Variants in CPEB3 observed in about 807,000 individuals in gnomAD.
CPEB3 encodes the protein cytoplasmic polyadenylation element binding protein 3.
A neutral mutation model predicts 67.2 loss-of-function variants in CPEB3; 20 were observed. That is an observed-to-expected ratio of 0.30 (90% CI 0.21 to 0.43). The LOEUF (loss-of-function observed/expected upper bound fraction) is 0.43. CPEB3 is among the 20% of genes least tolerant of loss of function. CPEB3 has a pLI of 1.00. For missense variants in CPEB3, 746 were observed against 968.6 expected (o/e 0.77, Z 3.05); for synonymous variants, 376 against 393.1 (o/e 0.96, Z 0.51).
At chr10:92,253,265 T>A (rs1852374361) in intron 1 of CPEB3, among the ~76,000 whole-genome samples, 1 of 151,820 alleles carries the variant, frequency 6.6e-6, no homozygotes, top group Non-Finnish European at 1.5e-5. Context: ...ATTAAGACCA[T>A]CCTGGCCAAC....
intron 2 of CPEB3, among the ~76,000 whole-genome samples, chr10:92,229,506 C>T (rs2134542207): frequency 6.6e-6 from 1 of 152,264 alleles, no homozygotes; most frequent in Admixed American, 6.5e-5. Context: ...AAAGAAAAAT[C>T]TAACTCTTAA....
rs1012646971 is a variant in CPEB3, at chr10:92,081,164, T to A, written c.1869+156A>T. ...TCCTTAATGCCTTAAATATCAACAG[T>A]GCTCTCTTTTTCAGGCAGCCTAGAT... On this transcript the variant is annotated intron_variant, in intron 9 of 9. Coordinates refer to ENST00000265997, the MANE Select transcript of CPEB3 (RefSeq NM_014912.5). 1.3e-5 allele frequency among the ~76,000 whole-genome samples: 2 copies of A among 152,204 alleles called. 1 individual carries two copies. The highest frequency in any genetic ancestry group is 4.1e-4 in the South Asian group (2 of 4,834).
At chr10:92,188,025 G>T (rs1848773978) in intron 3 of CPEB3, among the ~76,000 whole-genome samples, 1 of 151,470 alleles carries the variant, frequency 6.6e-6, no homozygotes, top group African/African-American at 2.4e-5. Flanking sequence ...GTGAAACCTT[G>T]TCTCTACAGC....
chr10:92,204,617 T>C (rs908570478), intron 2 of CPEB3, among the ~76,000 whole-genome samples: 1 of 152,096 alleles, frequency 6.6e-6, no homozygotes, highest in African/African-American at 2.4e-5. Flanking sequence ...ACCAGAGAAA[T>C]AGAAGCTCAT....
At chr10:92,134,133 T>G (rs186564232) in intron 6 of CPEB3, among the ~76,000 whole-genome samples, 214 of 152,192 alleles carry the variant, frequency 1.4e-3, no homozygotes, top group Admixed American at 3.9e-3. Context: ...CTCTCACCAC[T>G]CCTATTCAAC....
At chr10:92,224,212 T>A (rs61360462) in intron 2 of CPEB3, among the ~76,000 whole-genome samples, 38 of 152,338 alleles carry the variant, frequency 2.5e-4, no homozygotes, top group African/African-American at 9.1e-4. Flanking sequence ...GTTGCTTAAA[T>A]CTGTCCCTTC....
chr10:92,053,299 C>T (rs1453454868), intron 9 of CPEB3, among the ~76,000 whole-genome samples: 1 of 152,022 alleles, frequency 6.6e-6, no homozygotes, highest in Non-Finnish European at 1.5e-5. Context: ...AAAGTTACCA[C>T]GTTCTCACCC....
chr10:92,145,557 C>A (rs1846638451), intron 4 of CPEB3, among the ~76,000 whole-genome samples: 1 of 151,780 alleles, frequency 6.6e-6, no homozygotes, highest in Non-Finnish European at 1.5e-5. Flanking sequence ...TGAACCCGAA[C>A]CCGGGAGGTG....
At chr10:92,107,794 C>A (rs1324039499) in intron 7 of CPEB3, among the ~76,000 whole-genome samples, 10 of 152,172 alleles carry the variant, frequency 6.6e-5, no homozygotes, top group Non-Finnish European at 1.0e-4. Flanking sequence ...TTCTTTGGAA[C>A]TGAGGAAGTC....
chr10:92,280,343 C>CAAA (rs60338900), intron 1 of CPEB3, among the ~76,000 whole-genome samples: 36 of 37,778 alleles, frequency 9.5e-4, no homozygotes, highest in South Asian at 1.5e-3. Flanking sequence ...AACTCCATCT[C>CAAA]AAAAAAAAAA....
At chr10:92,234,743 T>C (rs1167231779) in intron 2 of CPEB3, among the ~76,000 whole-genome samples, 1 of 151,688 alleles carries the variant, frequency 6.6e-6, no homozygotes, top group East Asian at 1.9e-4. Flanking sequence ...CTGACCAATA[T>C]GGTAAACCCC....
chr10:92,247,966 C>T (rs773830326), intron 1 of CPEB3, among the ~76,000 whole-genome samples: 11 of 152,158 alleles, frequency 7.2e-5, no homozygotes, highest in Admixed American at 6.5e-5. Context: ...GTGATCTTGG[C>T]TCACTGCAAC....
At chr10:92,115,102 C>CG (rs1166667793) in intron 6 of CPEB3, among the ~76,000 whole-genome samples, 1 of 152,152 alleles carries the variant, frequency 6.6e-6, no homozygotes, top group Non-Finnish European at 1.5e-5. Flanking sequence ...CTGCGGGGCG[C>CG]GGGAGGAGGA....
chr10:92,285,415 C>T (rs965001209), intron 1 of CPEB3, among the ~76,000 whole-genome samples: 10 of 152,186 alleles, frequency 6.6e-5, no homozygotes, highest in South Asian at 2.1e-4. Context: ...GGATTATAGG[C>T]ACACACCACC....
intron 1 of CPEB3, among the ~76,000 whole-genome samples, chr10:92,251,249 A>T (rs113418269): frequency 1.4e-4 from 22 of 152,230 alleles, no homozygotes; most frequent in African/African-American, 4.6e-4. Context: ...TCACCTAACG[A>T]TGCATTTCTC....
At chr10:92,253,359 C>T (rs1432263670) in intron 1 of CPEB3, among the ~76,000 whole-genome samples, 3 of 148,580 alleles carry the variant, frequency 2.0e-5, no homozygotes, top group African/African-American at 7.5e-5. Flanking sequence ...ACTCGGGAGG[C>T]TGAGGCAGGA....
intron 2 of CPEB3, among the ~76,000 whole-genome samples, chr10:92,200,853 A>G (rs1432556410): frequency 2.0e-5 from 3 of 152,162 alleles, no homozygotes; most frequent in African/African-American, 7.2e-5. Flanking sequence ...TTCTGGTTTT[A>G]GCCAGGCAGG....
At chr10:92,202,035 A>G (rs770565185) in intron 2 of CPEB3, among the ~76,000 whole-genome samples, 1 of 152,184 alleles carries the variant, frequency 6.6e-6, no homozygotes, top group Non-Finnish European at 1.5e-5. Flanking sequence ...TCATCTTGCA[A>G]GACTTTTACT....
At position 92,239,305 on chromosome 10, in the gene CPEB3, G is replaced by C. The variant is rs766492956; in HGVS notation, c.1005+41C>G. The stretch of plus-strand genomic sequence containing the variant: ...AAGTCAGAGAAGTGGCAAAAGGAGC[G>C]GGGCAGAGGGAAGGAGTGTGTAGGT... On this transcript the variant is annotated intron_variant, in intron 2 of 9. Transcript: ENST00000265997. This position sits in a 1 kb window ranked among gnomAD's most constrained non-coding sequence, Gnocchi z 6.0. 6.3e-7 allele frequency: 1 copy of C among 1,577,418 alleles called. No individual in the cohort carries two copies. The highest frequency in any genetic ancestry group is 8.6e-7 in the Non-Finnish European group (1 of 1,159,744).
Sources: gnomAD v4.1 joint callset for allele counts (sites outside exome capture counted in the v4.1 genomes callset) on GRCh38, gnomAD v4.1.1 for gene constraint, Gnocchi (gnomAD v3.1) non-coding constraint, MANE v1.5 for transcripts, NCBI Gene and HGNC (gene_info 2026-07-23, HGNC 2026-07-21) for gene names.